Variants in ADAMTS3 observed in about 807,000 individuals in gnomAD.
ADAMTS3 encodes the protein A disintegrin and metalloproteinase with thrombospondin motifs 3.
In ADAMTS3, 73 loss-of-function variants were observed where a neutral mutation model predicts 129.0. The observed-to-expected ratio is 0.57, with a 90% CI of 0.47 to 0.69. The LOEUF (loss-of-function observed/expected upper bound fraction) is 0.69. ADAMTS3 is among the 30% of genes least tolerant of loss of function. ADAMTS3 has a pLI of 0.00. For missense variants in ADAMTS3, 1,457 were observed against 1,514.5 expected, an observed-to-expected ratio of 0.96 and a Z score of 0.63; for synonymous variants, 477 against 510.8, an observed-to-expected ratio of 0.93 and a Z score of 0.89.
chr4:72,347,154 T>G (rs1022092531), intron 4 of ADAMTS3, among the ~76,000 whole-genome samples: 1 of 152,004 alleles, frequency 6.6e-6, no homozygotes, highest in African/African-American at 2.4e-5. Context: ...AGACTACTAA[T>G]AGAGAATAGA....
At chr4:72,411,654 C>T (rs914755965) in intron 4 of ADAMTS3, among the ~76,000 whole-genome samples, 2 of 152,096 alleles carry the variant, frequency 1.3e-5, no homozygotes, top group African/African-American at 2.4e-5. Context: ...TATGAAAATA[C>T]ACCATTTTGA....
chr4:72,554,112 C>A (rs1721707185), intron 2 of ADAMTS3, among the ~76,000 whole-genome samples: 1 of 152,080 alleles, frequency 6.6e-6, no homozygotes, highest in Non-Finnish European at 1.5e-5. Flanking sequence ...ATTCCTTCTT[C>A]CTCCTTGTAC....
chr4:72,417,931 T>TTAAAAAA (rs76545577), intron 3 of ADAMTS3, among the ~76,000 whole-genome samples: 1 of 100,680 alleles, frequency 9.9e-6, no homozygotes, highest in African/African-American at 3.7e-5. Context: ...AGACTCCATC[T>TTAAAAAA]CAAAAAAAAA....
At chr4:72,349,353 C>T (rs924937520) in intron 4 of ADAMTS3, among the ~76,000 whole-genome samples, 1 of 151,830 alleles carries the variant, frequency 6.6e-6, no homozygotes, top group Non-Finnish European at 1.5e-5. Flanking sequence ...CTAAATCCTT[C>T]GTCAAGGATA....
At chr4:72,504,904 T>C (rs1344887078) in intron 3 of ADAMTS3, among the ~76,000 whole-genome samples, 1 of 152,222 alleles carries the variant, frequency 6.6e-6, no homozygotes, top group Non-Finnish European at 1.5e-5. Context: ...AGGTTTTCAA[T>C]TCCAGAAGCT....
At chr4:72,331,424 G>A (rs1026620336) in intron 5 of ADAMTS3, among the ~76,000 whole-genome samples, 8 of 152,124 alleles carry the variant, frequency 5.3e-5, no homozygotes, top group Admixed American at 6.6e-5. Context: ...TCATAGCATA[G>A]TGTGTAACAG....
In ADAMTS3 at chr4:72,338,077, C is replaced by A. The variant is rs1252115733; in HGVS notation, c.861+1417G>T. 4.6e-5 allele frequency among the ~76,000 whole-genome samples: 7 copies of A among 152,200 alleles called. 1 individual carries two copies. The East Asian group carries it at 1.4e-3, about 29-fold the overall frequency. ...CATAGAGAAACTAAAATATGATTGT[C>A]TATTTGTGCATCTGTATATGGCACT... On this transcript the variant is annotated intron_variant, in intron 5 of 21. Transcript: ENST00000286657.
rs564799316 is a variant in ADAMTS3, at chr4:72,437,831, A to G, written c.505-22860T>C. Among the ~76,000 whole-genome samples the G allele has an allele frequency of 6.0e-4, 91 of 151,868 alleles. 1 individual carries two copies. Among genetic ancestry groups the G allele is most frequent in the Non-Finnish European group, 1.2e-3 (83 of 67,826 alleles). On this transcript the variant is annotated intron_variant, in intron 3 of 21. Coordinates refer to ENST00000286657, the MANE Select transcript of ADAMTS3 (RefSeq NM_014243.3). Reference sequence around the variant, plus strand: ...CTAGGTGAAGTCATGTAGTGTGTCTATTTTCATTAATATTAACAATAGGTA... The same window carrying G: ...CTAGGTGAAGTCATGTAGTGTGTCTGTTTTCATTAATATTAACAATAGGTA...
At chr4:72,520,982 G>A (rs1424588262) in intron 3 of ADAMTS3, among the ~76,000 whole-genome samples, 1 of 151,768 alleles carries the variant, frequency 6.6e-6, no homozygotes, top group Non-Finnish European at 1.5e-5. Flanking sequence ...TCGGCCATCT[G>A]GGCTCCTCCC....
intron 17 of ADAMTS3, among the ~76,000 whole-genome samples, 165 bp from the exon 18 acceptor site, chr4:72,298,607 C>T (rs890216009): frequency 1.3e-5 from 2 of 151,836 alleles, no homozygotes; most frequent in Non-Finnish European, 2.9e-5. Context: ...CAAATGTGCC[C>T]TGTTTAAGAA....
chr4:72,569,065 A>AGG lies in ADAMTS3; in HGVS notation c.-305_-304dup. The stretch of plus-strand genomic sequence containing the variant: ...AAGCCTGGGAGAGGGGGAAGGGACG[A>AGG]GGGGCTTTCCAACTATCTCTGCCCA... On this transcript the variant is annotated 5_prime_UTR_variant, in exon 1 of 22. Coordinates refer to ENST00000286657, the MANE Select transcript of ADAMTS3 (RefSeq NM_014243.3). The AGG allele has an allele frequency of 2.2e-6, 1 of 451,396 alleles. No homozygotes were observed. Among genetic ancestry groups the AGG allele is most frequent in the Non-Finnish European group, 4.0e-6 (1 of 252,954 alleles). 28.0% of individuals were successfully genotyped at this position (451,396 alleles called of 1,614,324 possible). A position where few individuals can be genotyped will look rare whatever the true frequency, so the allele number is the denominator to read the frequency against.
At chr4:72,461,603 T>G (rs1718773481) in intron 3 of ADAMTS3, among the ~76,000 whole-genome samples, 1 of 151,850 alleles carries the variant, frequency 6.6e-6, no homozygotes, top group Non-Finnish European at 1.5e-5. Flanking sequence ...AAACAGAGTT[T>G]TAAATGTATT....
At chr4:72,482,936 T>C (rs1719477985) in intron 3 of ADAMTS3, among the ~76,000 whole-genome samples, 1 of 152,164 alleles carries the variant, frequency 6.6e-6, no homozygotes, top group Non-Finnish European at 1.5e-5. Context: ...TAGAAAGGCA[T>C]TTAACAAGAT....
In ADAMTS3 at chr4:72,394,757, G is replaced by A. The variant is rs1348500122; in HGVS notation, c.661+20058C>T. 5.3e-5 allele frequency among the ~76,000 whole-genome samples: 8 copies of A among 152,116 alleles called. No homozygotes were observed. The South Asian group carries it at 8.3e-4, about 16-fold the overall frequency. On this transcript the variant is annotated intron_variant, in intron 4 of 21. Transcript: ENST00000286657. ...TAGTAAATACCACTACACTAAAATA[G>A]TTGATTCATACACTTGAAAGGAAAC...
intron 5 of ADAMTS3, among the ~76,000 whole-genome samples, chr4:72,334,872 T>C (rs1218665530): frequency 3.3e-5 from 5 of 152,080 alleles, no homozygotes; most frequent in Non-Finnish European, 5.9e-5. Flanking sequence ...TTCTTCTTCA[T>C]ATAGGAAGCT....
chr4:72,517,784 C>G (rs1440219228), intron 3 of ADAMTS3, among the ~76,000 whole-genome samples: 2 of 151,596 alleles, frequency 1.3e-5, no homozygotes, highest in African/African-American at 2.4e-5. Flanking sequence ...TTTCAAAAAA[C>G]CAGCTCCTGG....
intron 3 of ADAMTS3, among the ~76,000 whole-genome samples, chr4:72,437,630 G>T (rs1447381714): frequency 6.6e-6 from 1 of 151,712 alleles, no homozygotes; most frequent in Non-Finnish European, 1.5e-5. Context: ...CAGTTCCAAA[G>T]CTTTCAGCCA....
At chr4:72,384,233 A>T (rs1223830937) in intron 4 of ADAMTS3, among the ~76,000 whole-genome samples, 2 of 152,128 alleles carry the variant, frequency 1.3e-5, no homozygotes, top group Non-Finnish European at 1.5e-5. Context: ...AACAAGAAAG[A>T]ATTAAGAGAA....
chr4:72,319,087 G>A (rs1214668049), intron 9 of ADAMTS3, among the ~76,000 whole-genome samples: 2 of 152,012 alleles, frequency 1.3e-5, no homozygotes, highest in Admixed American at 1.3e-4. Context: ...TCAAAGATTC[G>A]ATAACAATTT....
Sources: allele counts gnomAD v4.1 joint callset (sites outside exome capture counted in the v4.1 genomes callset), GRCh38; gene constraint gnomAD v4.1.1; transcripts MANE v1.5; gene names NCBI Gene and HGNC (gene_info 2026-07-23, HGNC 2026-07-21).